Variants in TJP2 observed in about 807,000 individuals in gnomAD.
TJP2 encodes the protein tight junction protein 2.
A neutral mutation model predicts 133.1 loss-of-function variants in TJP2; 91 were observed. The ratio of observed to expected loss-of-function variants is 0.68; its 90% CI spans 0.58 to 0.81. The LOEUF (loss-of-function observed/expected upper bound fraction) is 0.81. Among genes scored for constraint, TJP2 ranks in the 40% least tolerant of loss-of-function variants. The pLI is 0.00. For missense variants in TJP2, 1,541 were observed against 1,565.6 expected, an observed-to-expected ratio of 0.98 and a Z score of 0.26; for synonymous variants, 592 against 583.4, an observed-to-expected ratio of 1.01 and a Z score of -0.21.
chr9:69,253,223 T>C (rs1249009114), intron 22 of TJP2: 2 of 360,536 alleles, frequency 5.5e-6, no homozygotes, highest in Non-Finnish European at 1.0e-5. Context: ...TAGACCTGTT[T>C]TGTCTTGTTT....
chr9:69,161,306 G>A (rs778312321), intron 2 of TJP2, among the ~76,000 whole-genome samples: 7 of 152,196 alleles, frequency 4.6e-5, no homozygotes, highest in East Asian at 1.9e-4. Context: ...TTGGCTCACC[G>A]CAACCTCCGC....
intron 2 of TJP2, among the ~76,000 whole-genome samples, chr9:69,212,888 G>T (rs1244800494): frequency 1.7e-5 from 1 of 59,984 alleles, no homozygotes; most frequent in South Asian, 5.2e-4. Context: ...AGGGAAGAAT[G>T]AAAATGACCT....
At chr9:69,244,841 G>A (rs539908778) in intron 17 of TJP2, among the ~76,000 whole-genome samples, 1 of 152,304 alleles carries the variant, frequency 6.6e-6, no homozygotes, top group East Asian at 1.9e-4. Flanking sequence ...AATTCAGTAA[G>A]AGCTTTTGTG....
rs1005554630 is a variant in TJP2 at position 69,205,323 on chromosome 9, T to C, written c.61-7225T>C. 3 of 1,527,820 alleles carry C rather than the reference T, an allele frequency of 2.0e-6. No individual in the cohort carries two copies. The African/African-American group carries it at 4.1e-5, about 21-fold the overall frequency. 94.6% of individuals were successfully genotyped at this position (1,527,820 alleles called of 1,614,324 possible). ...GCAAAACCATTCTCACAGTGAGTCC[T>C]TTATCCTCAGATTGATTTGTGCTTC... is the stretch of plus-strand genomic sequence containing the variant. On this transcript the variant is annotated intron_variant, in intron 1 of 22. Transcript: ENST00000377245.
chr9:69,230,239 AC>A lies in TJP2; in HGVS notation c.1671+8del, dbSNP rs1829669720. 1 of 1,614,018 alleles carries A rather than the reference AC, an allele frequency of 6.2e-7. No individual in the cohort carries two copies. Among genetic ancestry groups the A allele is most frequent in the African/African-American group, 1.3e-5 (1 of 74,952 alleles). ...AGGAGACCAGATTCTGAAGGTAAGA[AC>A]AGCCCAGCTCTGTTTCTAGAAGTTA... On this transcript the variant is annotated splice_region_variant and intron_variant, in intron 11 of 22. Coordinates refer to ENST00000377245, the MANE Select transcript of TJP2 (RefSeq NM_004817.4).
chr9:69,150,787 G>T (rs1277749103), intron 1 of TJP2, among the ~76,000 whole-genome samples: 1 of 152,140 alleles, frequency 6.6e-6, no homozygotes, highest in African/African-American at 2.4e-5. Flanking sequence ...ATTTCTGAGA[G>T]AAATGAAAAC....
At chr9:69,161,980 G>A (rs1824099892) in intron 2 of TJP2, among the ~76,000 whole-genome samples, 1 of 150,174 alleles carries the variant, frequency 6.7e-6, no homozygotes, top group South Asian at 2.1e-4. Context: ...GGAGGCAGAG[G>A]TTGCAGTGAA....
intron 1 of TJP2, among the ~76,000 whole-genome samples, chr9:69,192,015 G>A (rs1230511925): frequency 6.6e-6 from 1 of 152,062 alleles, no homozygotes; most frequent in Non-Finnish European, 1.5e-5. Context: ...TGGGATTACA[G>A]GCGTGAGCCA....
At chr9:69,209,138 T>C (rs990252683) in intron 1 of TJP2, among the ~76,000 whole-genome samples, 4 of 152,120 alleles carry the variant, frequency 2.6e-5, no homozygotes, top group African/African-American at 9.7e-5. Context: ...CTGCTTTCTT[T>C]TTCTTTTCTT....
At chr9:69,197,343 A>G (rs759549384) in intron 1 of TJP2, among the ~76,000 whole-genome samples, 4 of 152,206 alleles carry the variant, frequency 2.6e-5, no homozygotes, top group Non-Finnish European at 5.9e-5. Context: ...AGTTCATTGT[A>G]TGGATATACC....
At chr9:69,179,757 C>A (rs1035934996) in intron 1 of TJP2, among the ~76,000 whole-genome samples, 1 of 152,132 alleles carries the variant, frequency 6.6e-6, no homozygotes, top group East Asian at 1.9e-4. Flanking sequence ...CCTCGGCCTC[C>A]CAAAGTGCTG....
chr9:69,197,158 G>T (rs890778259), intron 1 of TJP2, among the ~76,000 whole-genome samples: 2 of 152,040 alleles, frequency 1.3e-5, no homozygotes, highest in Non-Finnish European at 2.9e-5. Flanking sequence ...TAGAGATGGG[G>T]TTTTACCAGG....
In TJP2 at chr9:69,123,218, G is replaced by T. The variant is rs1822230081; in HGVS notation, c.-131+1493G>T. ...TTGCCCACCAGGACACTCTACAGCC[G>T]CATGGGTTAGAGCACCTGCACCCCA... On this transcript the variant is annotated intron_variant, in intron 1 of 5. Coordinates refer to the TJP2 transcript ENST00000423935. Among the ~76,000 whole-genome samples the T allele has an allele frequency of 1.2e-4, 2 of 16,550 alleles. 1 individual carries two copies. The highest frequency in any genetic ancestry group is 2.9e-4 in the African/African-American group (2 of 7,010). The allele number at this position is 16,550 out of a possible 152,430, so 10.9% of individuals were successfully genotyped here.
intron 3 of TJP2, 47 bp from the exon 4 acceptor site, chr9:69,218,210 G>A (rs1828539098): frequency 7.2e-7 from 1 of 1,396,964 alleles, no homozygotes; most frequent in Admixed American, 1.7e-5. Flanking sequence ...AATTTACAAT[G>A]AATAGATGGG....
intron 2 of TJP2, among the ~76,000 whole-genome samples, chr9:69,162,160 TTA>T (rs927063300): frequency 3.4e-5 from 5 of 148,038 alleles, no homozygotes; most frequent in South Asian, 2.1e-4. Context: ...CCTTTATATA[TTA>T]TATATATACA....
chr9:69,233,038 G>T (rs1231894295), intron 11 of TJP2, among the ~76,000 whole-genome samples: 1 of 152,136 alleles, frequency 6.6e-6, no homozygotes, highest in East Asian at 1.9e-4. Context: ...TATACATATG[G>T]CTATATGTAG....
Position 69,236,198 on chromosome 9 carries a change from G to A in TJP2, c.1951G>A (p.Gly651Arg), listed in dbSNP as rs764844387. Residue 651 changes from glycine (G) to arginine (R), a missense_variant, in exon 13 of 23, where the codon GGG (glycine) becomes AGG (arginine). Transcript: ENST00000377245. ...GGGCAACTGGCTGGCTGTGAGGATT[G>A]GGAACGAGTTGGAGAAAGGCTTAAT... is the stretch of plus-strand genomic sequence containing the variant. ...KLGNWLAVRI[G>R]NELEKGLIPN... is the part of the protein sequence containing the mutation. The A allele has an allele frequency of 5.6e-6, 9 of 1,613,920 alleles. No homozygotes were observed. Among genetic ancestry groups the A allele is most frequent in the African/African-American group, 5.3e-5 (4 of 74,906 alleles).
rs2275430 is a variant in TJP2, at chr9:69,236,292, A to G, written c.1991+54A>G. The G allele has an allele frequency of 0.32, 505,898 of 1,582,792 alleles. 83,720 individuals are homozygous for G. The highest frequency in any genetic ancestry group is 0.37 in the South Asian group (33,390 of 89,756). On this transcript the variant is annotated intron_variant, in intron 13 of 22. Transcript: ENST00000377245. ...CTTTTAATCCTTCCCCCTGCAGAAA[A>G]CTAGAGACCGCCCCCCTTCCCCCGT...
chr9:69,204,908 GGA>G lies in TJP2; in HGVS notation c.61-7632_61-7631del. The G allele has an allele frequency of 3.2e-6, 4 of 1,238,698 alleles. No individual in the cohort carries two copies. In the South Asian group the frequency reaches 1.2e-4, roughly 38 times the overall value. The allele number at this position is 1,238,698 out of a possible 1,614,324, so 76.7% of individuals were successfully genotyped here. A position where few individuals can be genotyped will look rare whatever the true frequency, so the allele number is the denominator to read the frequency against. On this transcript the variant is annotated intron_variant, in intron 1 of 22. Coordinates refer to ENST00000377245, the MANE Select transcript of TJP2 (RefSeq NM_004817.4). Reference sequence around the variant, plus strand: ...TCGGATGCTCTAGTTCCCTGGCAAGGGAGAGAGAGGGAGAGAAAGAAAGCTGT... The same window carrying G: ...TCGGATGCTCTAGTTCCCTGGCAAGGGAGAGAGGGAGAGAAAGAAAGCTGT...
Sources: allele counts gnomAD v4.1 joint callset (sites outside exome capture counted in the v4.1 genomes callset), GRCh38; gene constraint gnomAD v4.1.1; transcripts MANE v1.5; gene names NCBI Gene and HGNC (gene_info 2026-07-23, HGNC 2026-07-21).